NUP37: variants seen among roughly 807,000 people sequenced by gnomAD.
NUP37 encodes nucleoporin Nup37.
A neutral mutation model predicts 45.4 loss-of-function variants in NUP37; 33 were observed. The ratio of observed to expected loss-of-function variants is 0.73; its 90% CI spans 0.55 to 0.97. The LOEUF is 0.97. Among genes scored for constraint, NUP37 ranks in the 50% least tolerant of loss-of-function variants. The probability of loss-of-function intolerance (pLI) is 0.00; values close to 1 mark genes in which losing one functional copy is unlikely to be tolerated. For missense variants in NUP37, 365 were observed against 389.7 expected (o/e 0.94, Z 0.53); for synonymous variants, 127 against 130.7 (o/e 0.97, Z 0.19).
At chr12:102,077,145 T>A in intron 7 of NUP37, 177 bp downstream of exon 7, 1 of 668,790 alleles carries the variant, frequency 1.5e-6, no homozygotes, top group Non-Finnish European at 2.6e-6. Context: ...ACTCCCAGAG[T>A]AAATCTGCAT....
At position 102,077,510 on chromosome 12, in the gene NUP37, G is replaced by A; in HGVS notation, c.541-7C>T. On this transcript the variant is annotated splice_polypyrimidine_tract_variant and splice_region_variant and intron_variant, in intron 6 of 9. Coordinates refer to ENST00000552283, the MANE Select transcript of NUP37 (RefSeq NM_024057.4). ...TCTTCTCTGCAACCATTAGCTGTAAGACAGAAAAATAAAAAGAAACTCAAT... is the reference window on the plus strand; with the variant it reads ...TCTTCTCTGCAACCATTAGCTGTAAAACAGAAAAATAAAAAGAAACTCAAT... The A allele has an allele frequency of 6.2e-7, 1 of 1,603,648 alleles. No homozygotes were observed. Among genetic ancestry groups the A allele is most frequent in the Non-Finnish European group, 8.5e-7 (1 of 1,176,466 alleles).
chr12:102,098,299 G>A (rs1879869364), intron 5 of NUP37, among the ~76,000 whole-genome samples: 1 of 152,064 alleles, frequency 6.6e-6, no homozygotes, highest in Admixed American at 6.6e-5. Context: ...TCTAAATTAG[G>A]GGGTGAGGTA....
intron 3 of NUP37, among the ~76,000 whole-genome samples, chr12:102,104,228 C>T (rs1594396766): frequency 6.6e-6 from 1 of 152,094 alleles, no homozygotes; most frequent in Admixed American, 6.5e-5. Context: ...GGATGTTGAA[C>T]ATCTTTTTAT....
chr12:102,107,327 C>T (rs542053512), intron 3 of NUP37, among the ~76,000 whole-genome samples: 2 of 152,240 alleles, frequency 1.3e-5, no homozygotes, highest in African/African-American at 4.8e-5. Context: ...GAACTTTGCC[C>T]AATTTAGTTC....
At chr12:102,091,433 A>G (rs1290946356) in intron 5 of NUP37, among the ~76,000 whole-genome samples, 1 of 150,328 alleles carries the variant, frequency 6.7e-6, no homozygotes, top group African/African-American at 2.4e-5. Flanking sequence ...AAAAAACCCA[A>G]AAAACAAAAA....
At chr12:102,076,766 A>G (rs1454063074) in intron 8 of NUP37, 31 bp downstream of exon 8, 1 of 1,603,802 alleles carries the variant, frequency 6.2e-7, no homozygotes, top group African/African-American at 1.3e-5. Flanking sequence ...CAAAAGATCA[A>G]ATCACAGCTC....
chr12:102,078,598 A>G (rs570340859), intron 6 of NUP37, among the ~76,000 whole-genome samples: 12 of 152,358 alleles, frequency 7.9e-5, no homozygotes, highest in African/African-American at 2.9e-4. Context: ...TCCTTCACTT[A>G]TAAGCTGAGT....
intron 5 of NUP37, among the ~76,000 whole-genome samples, chr12:102,091,941 G>A (rs527891448): frequency 6.2e-4 from 95 of 152,170 alleles, no homozygotes; most frequent in Non-Finnish European, 4.7e-4. Context: ...AGAACATTAA[G>A]TATCCCTACC....
chr12:102,079,276 CTG>C (rs779627245), intron 6 of NUP37: 4 of 454,906 alleles, frequency 8.8e-6, no homozygotes, highest in Non-Finnish European at 1.8e-5. Context: ...TAAAATGTGA[CTG>C]TTCTTTAAGA....
chr12:102,077,863 A>C (rs1227309627), intron 6 of NUP37, among the ~76,000 whole-genome samples: 1 of 152,252 alleles, frequency 6.6e-6, no homozygotes, highest in Non-Finnish European at 1.5e-5. Context: ...ATGTATATGC[A>C]AATATTACAA....
intron 6 of NUP37, among the ~76,000 whole-genome samples, chr12:102,083,874 T>G (rs1594386050): frequency 6.6e-6 from 1 of 152,226 alleles, no homozygotes; most frequent in Non-Finnish European, 1.5e-5. Flanking sequence ...GGCCACGGGA[T>G]GTGTTGAAAA....
At chr12:102,093,643 T>C (rs1296924663) in intron 5 of NUP37, among the ~76,000 whole-genome samples, 1 of 152,094 alleles carries the variant, frequency 6.6e-6, no homozygotes, top group Non-Finnish European at 1.5e-5. Flanking sequence ...ATATTAGCAT[T>C]TCATTTTTTC....
intron 5 of NUP37, among the ~76,000 whole-genome samples, chr12:102,095,106 A>C (rs1160848661): frequency 6.6e-6 from 1 of 152,054 alleles, no homozygotes; most frequent in Admixed American, 6.5e-5. Flanking sequence ...GTTCTTACAG[A>C]ATGGTACTGT....
chr12:102,112,331 CT>C, intron 2 of NUP37, 99 bp from the exon 3 acceptor site: 1 of 1,016,444 alleles, frequency 9.8e-7, no homozygotes, highest in Non-Finnish European at 1.4e-6. Context: ...TATGCTTATG[CT>C]TTTGAAAAGT....
intron 6 of NUP37, among the ~76,000 whole-genome samples, chr12:102,081,887 G>A (rs966184514): frequency 6.6e-6 from 1 of 151,980 alleles, no homozygotes; most frequent in Non-Finnish European, 1.5e-5. Flanking sequence ...GATGAGAGAT[G>A]AGGTTTCACC....
At chr12:102,105,204 T>G (rs1373080462) in intron 3 of NUP37, among the ~76,000 whole-genome samples, 1 of 152,202 alleles carries the variant, frequency 6.6e-6, no homozygotes, top group East Asian at 1.9e-4. Flanking sequence ...GCATTTATTT[T>G]GCACCTCTAT....
intron 6 of NUP37, among the ~76,000 whole-genome samples, chr12:102,078,904 G>A (rs73185908): frequency 0.039 from 5,972 of 152,156 alleles, 166 homozygotes; most frequent in African/African-American, 0.072. Flanking sequence ...ATAATAAAAT[G>A]TGAAAAAATT....
In NUP37 at chr12:102,101,049, C is replaced by A; in HGVS notation, c.337G>T (p.Asp113Tyr). The A allele has an allele frequency of 6.5e-7, 1 of 1,545,022 alleles. No individual in the cohort carries two copies. The highest frequency in any genetic ancestry group is 8.8e-7 in the Non-Finnish European group (1 of 1,136,332). ...KIRLFTSDLQ[D>Y]KNEYKVLEGH... Reference sequence around the variant, plus strand: ...CAACATACCTTATATTCATTTTTATCCTGAAGATCTGAAGTAAATAATCTA... The same window carrying A: ...CAACATACCTTATATTCATTTTTATACTGAAGATCTGAAGTAAATAATCTA... The change falls in exon 4 of 10, where the codon GAT (aspartate) becomes TAT (tyrosine). Residue 113 changes from aspartate (D) to tyrosine (Y), a missense_variant. Coordinates refer to ENST00000552283, the MANE Select transcript of NUP37 (RefSeq NM_024057.4).
chr12:102,091,398 T>C (rs1383574471), intron 5 of NUP37, among the ~76,000 whole-genome samples: 4 of 14,642 alleles, frequency 2.7e-4, no homozygotes, highest in African/African-American at 1.0e-3. Context: ...AGACTCCGTC[T>C]CAAAAAAAAA....
Sources: gnomAD v4.1 joint callset for allele counts (sites outside exome capture counted in the v4.1 genomes callset) on GRCh38, gnomAD v4.1.1 for gene constraint, MANE v1.5 for transcripts, NCBI Gene and HGNC (gene_info 2026-07-23, HGNC 2026-07-21) for gene names.